Variants in EP300 observed in about 807,000 individuals in gnomAD.
EP300 encodes histone acetyltransferase p300.
In EP300, 31 loss-of-function variants were observed where a neutral mutation model predicts 264.0. That is an observed-to-expected ratio of 0.12 (90% CI 0.09 to 0.16). The LOEUF (loss-of-function observed/expected upper bound fraction) is 0.16. Ranked by LOEUF, EP300 falls within the 10% of genes least tolerant of loss-of-function variation. The pLI is 1.00. For synonymous variants in EP300, 1,340 were observed against 1,045.4 expected (o/e 1.28, Z -5.44); for missense variants, 2,766 against 3,052.9 (o/e 0.91, Z 2.21).
intron 19 of EP300, chr22:41,159,284 T>G (rs1323354475): frequency 6.6e-6 from 1 of 152,246 alleles, no homozygotes; most frequent in African/African-American, 2.4e-5. Context: ...ATCCATGGTG[T>G]TGGTTTTTGC....
rs2145713646 is a variant in EP300 at position 41,129,956 on chromosome 22, C to T, written c.1235C>T (p.Pro412Leu). ...AAGAATTGTACAAGACATGATTGTC[C>T]TGTGTGTCTCCCCCTCAAAAATGCT... ...HWKNCTRHDC[P>L]VCLPLKNAGD... is the part of the protein sequence containing the mutation. Residue 412 changes from proline (P) to leucine (L), a missense_variant, in exon 5 of 31, where the codon CCT becomes CTT. Physicochemically the swap from Pro to Leu is moderately conservative, Grantham distance 98 (BLOSUM62 -3). Coordinates refer to ENST00000263253, the MANE Select transcript of EP300 (RefSeq NM_001429.4). 6.2e-7 allele frequency: 1 copy of T among 1,613,902 alleles called. No homozygotes were observed. Among genetic ancestry groups the T allele is most frequent in the Non-Finnish European group, 8.5e-7 (1 of 1,179,932 alleles).
intron 23 of EP300, among the ~76,000 whole-genome samples, chr22:41,167,584 GTATATATATATATATATA>G (rs56131556): frequency 0.034 from 1,150 of 34,306 alleles, 19 homozygotes; most frequent in Admixed American, 0.05. Context: ...GTGTGTGTGT[GTATATATATATATATATA>G]TATATATATA....
intron 29 of EP300, among the ~76,000 whole-genome samples, chr22:41,175,316 G>A (rs1408819225): frequency 6.6e-6 from 1 of 152,152 alleles, no homozygotes; most frequent in East Asian, 1.9e-4. Flanking sequence ...TGAATAATCT[G>A]TTATCAGTAC....
chr22:41,111,442 T>C (rs1030554383), intron 1 of EP300, among the ~76,000 whole-genome samples: 2 of 152,258 alleles, frequency 1.3e-5, no homozygotes, highest in African/African-American at 4.8e-5. Context: ...TCATGGGTTA[T>C]AGTGTGATGA....
Position 41,127,503 on chromosome 22 carries a change from C to T in EP300, c.923C>T (p.Pro308Leu), listed in dbSNP as rs587778261. Reference sequence around the variant, plus strand: ...ATCTCTCAGGGTCAACAGCCAGCCCCGCAGGTCCAGCAGCCAGGCCTGGTG... The same window carrying T: ...ATCTCTCAGGGTCAACAGCCAGCCCTGCAGGTCCAGCAGCCAGGCCTGGTG... ...GMPNMGQQPAPQVQQPGLVTP... is the reference protein window; with the variant it reads ...GMPNMGQQPALQVQQPGLVTP... The change falls in exon 4 of 31, where the codon CCG becomes CTG. Residue 308 changes from proline to leucine, a missense_variant. Coordinates refer to ENST00000263253, the MANE Select transcript of EP300 (RefSeq NM_001429.4). 23 of 1,614,052 alleles carry T rather than the reference C, an allele frequency of 1.4e-5. No individual in the cohort carries two copies. In the East Asian group the frequency reaches 2.4e-4, roughly 17 times the overall value.
chr22:41,167,498 G>A (rs528365484), intron 23 of EP300, among the ~76,000 whole-genome samples: 3 of 147,736 alleles, frequency 2.0e-5, no homozygotes, highest in South Asian at 4.3e-4. Flanking sequence ...CTCAACCTTC[G>A]TTACTTTAAA....
intron 3 of EP300, 65 bp downstream of exon 3, chr22:41,126,105 C>CT (rs1166715523): frequency 2.0e-6 from 3 of 1,527,288 alleles, no homozygotes; most frequent in African/African-American, 2.7e-5. Context: ...TTGTGTTAAA[C>CT]TTTCACCCTT....
chr22:41,157,521 T>TC (rs2059083877), intron 18 of EP300, 113 bp downstream of exon 18: 1 of 1,304,874 alleles, frequency 7.7e-7, no homozygotes, highest in Admixed American at 2.1e-5. Context: ...GCTTTTTTTT[T>TC]TTTTTTTTTT....
At chr22:41,176,699 CA>C in intron 30 of EP300, 73 bp from the exon 31 acceptor site, 1 of 1,613,078 alleles carries the variant, frequency 6.2e-7, no homozygotes. Flanking sequence ...TTTTCTAGCC[CA>C]AACAATATCT....
chr22:41,108,246 T>TTC (rs1555904371), intron 1 of EP300: 64 of 122,320 alleles, frequency 5.2e-4, no homozygotes, highest in African/African-American at 2.8e-3. Context: ...TTCTTTTTCT[T>TTC]TTTTTTTTTT....
intron 2 of EP300, 72 bp downstream of exon 2, chr22:41,117,893 C>T: frequency 6.2e-7 from 1 of 1,605,570 alleles, no homozygotes; most frequent in South Asian, 1.1e-5. Context: ...GGAGGGTTTG[C>T]CTTACATTGT....
chr22:41,155,426 G>T lies in EP300; in HGVS notation c.3261+313G>T, dbSNP rs1455164237. On this transcript the variant is annotated intron_variant, in intron 17 of 30. Transcript: ENST00000263253. ...TTTTGTATTTTTTAGTAGAGACGGG[G>T]TTTCGCCATGTTGCCCAGGCTGGTC... Among the ~76,000 whole-genome samples the T allele has an allele frequency of 3.3e-5, 5 of 152,026 alleles. No homozygotes were observed. The East Asian group carries it at 9.6e-4, about 29-fold the overall frequency.
chr22:41,148,674 C>T, intron 12 of EP300: 1 of 314,412 alleles, frequency 3.2e-6, no homozygotes, highest in African/African-American at 2.2e-5. Flanking sequence ...TGTGTTATTA[C>T]ATCACTGACA....
intron 18 of EP300, among the ~76,000 whole-genome samples, chr22:41,157,810 C>A (rs1391583023): frequency 6.6e-6 from 1 of 152,166 alleles, no homozygotes; most frequent in Non-Finnish European, 1.5e-5. Flanking sequence ...CATGAGCCAC[C>A]TCTCCCAGCC....
rs1569105704 is a variant in EP300 at position 41,146,725 on chromosome 22, C to CT, written c.2054-8dup. 6.2e-7 allele frequency: 1 copy of CT among 1,613,566 alleles called. No homozygotes were observed. On this transcript the variant is annotated splice_polypyrimidine_tract_variant and intron_variant, in intron 10 of 30. Coordinates refer to ENST00000263253, the MANE Select transcript of EP300 (RefSeq NM_001429.4). ...AGATGGTGCAAAGATACTTATTTCT[C>CT]TTTTTTACTCTAGATGGCCCTCTAC...
At chr22:41,135,576 T>A (rs546121804) in intron 6 of EP300, among the ~76,000 whole-genome samples, 242 of 152,112 alleles carry the variant, frequency 1.6e-3, no homozygotes, top group African/African-American at 5.4e-3. Flanking sequence ...TTTTTTTTTT[T>A]AAGTTATGTT....
At chr22:41,167,635 T>TATAA (rs1753359484) in intron 23 of EP300, among the ~76,000 whole-genome samples, 1 of 108,050 alleles carries the variant, frequency 9.3e-6, no homozygotes, top group Non-Finnish European at 1.8e-5. Context: ...TATATATATA[T>TATAA]AATGTTTGGT....
rs2059098212 is a variant in EP300, at chr22:41,159,863, CAG to C, written c.3591-778_3591-777del. 5 of 152,022 alleles carry C rather than the reference CAG, an allele frequency of 3.3e-5. No individual in the cohort carries two copies. The South Asian group carries it at 1.0e-3, about 32-fold the overall frequency. 9.4% of individuals were successfully genotyped at this position (152,022 alleles called of 1,614,324 possible). A position where few individuals can be genotyped will look rare whatever the true frequency, so the allele number is the denominator to read the frequency against. ...CTTATTTTTGTATTTTTAGTAGAGACAGGGTTTCAGCATGTTGGCCAGGCTGG... is the reference window on the plus strand; with the variant it reads ...CTTATTTTTGTATTTTTAGTAGAGACGGTTTCAGCATGTTGGCCAGGCTGG... On this transcript the variant is annotated intron_variant, in intron 19 of 30. Transcript: ENST00000263253.
intron 10 of EP300, among the ~76,000 whole-genome samples, chr22:41,143,418 C>G (rs1331433506): frequency 6.6e-6 from 1 of 152,166 alleles, no homozygotes; most frequent in African/African-American, 2.4e-5. Flanking sequence ...TGCCACTGCA[C>G]TTAAGCCTGG....
Sources: allele counts gnomAD v4.1 joint callset (sites outside exome capture counted in the v4.1 genomes callset), GRCh38; gene constraint gnomAD v4.1.1; transcripts MANE v1.5; gene names NCBI Gene and HGNC (gene_info 2026-07-23, HGNC 2026-07-21).